TMEM178B: variants seen among roughly 807,000 people sequenced by gnomAD.
TMEM178B encodes transmembrane protein 178B.
A neutral mutation model predicts 31.0 loss-of-function variants in TMEM178B; 5 were observed. That is an observed-to-expected ratio of 0.16 (90% CI 0.08 to 0.34). The LOEUF (loss-of-function observed/expected upper bound fraction) is 0.34, where lower values mean the gene tolerates loss of function less well. Among genes scored for constraint, TMEM178B ranks in the 10% least tolerant of loss-of-function variants. The probability of loss-of-function intolerance (pLI) is 1.00; values close to 1 mark genes in which losing one functional copy is unlikely to be tolerated. For missense variants in TMEM178B, 275 were observed against 400.3 expected (o/e 0.69, Z 2.67); for synonymous variants, 164 against 164.0 (o/e 1.00, Z 0.00).
chr7:141,377,365 G>A (rs1800235292), intron 2 of TMEM178B, among the ~76,000 whole-genome samples: 1 of 151,752 alleles, frequency 6.6e-6, no homozygotes. Flanking sequence ...TGTATTTTTA[G>A]CAGGGACGGG....
intron 2 of TMEM178B, among the ~76,000 whole-genome samples, chr7:141,427,710 T>A (rs1801346113): frequency 1.3e-5 from 2 of 151,782 alleles, no homozygotes; most frequent in South Asian, 4.2e-4. Context: ...ACGAATGGGA[T>A]CAAACTAAAA....
At chr7:141,374,922 C>T (rs1300113516) in intron 2 of TMEM178B, among the ~76,000 whole-genome samples, 4 of 152,182 alleles carry the variant, frequency 2.6e-5, no homozygotes, top group Admixed American at 2.6e-4. Flanking sequence ...CACACGACAC[C>T]TTCTGCATCC....
At chr7:141,234,905 T>C (rs1797502372) in intron 2 of TMEM178B, among the ~76,000 whole-genome samples, 1 of 152,210 alleles carries the variant, frequency 6.6e-6, no homozygotes, top group African/African-American at 2.4e-5. Context: ...ACGCACGACA[T>C]GATTGCTGGC....
intron 2 of TMEM178B, among the ~76,000 whole-genome samples, chr7:141,357,974 C>G (rs200037770): frequency 6.6e-6 from 1 of 152,144 alleles, no homozygotes; most frequent in East Asian, 1.9e-4. Context: ...GGAATTCTGT[C>G]TTTGTACAGC....
chr7:141,104,022 A>G (rs1040654502), intron 1 of TMEM178B, among the ~76,000 whole-genome samples: 1 of 152,106 alleles, frequency 6.6e-6, no homozygotes, highest in South Asian at 2.1e-4. Context: ...TTCTGTTCTC[A>G]CCTACCCCCT....
intron 1 of TMEM178B, among the ~76,000 whole-genome samples, chr7:141,197,222 G>C (rs555172480): frequency 1.3e-5 from 2 of 152,270 alleles, no homozygotes; most frequent in East Asian, 1.9e-4. Flanking sequence ...TATCCCTAAG[G>C]GGGTAGATAC....
intron 1 of TMEM178B, among the ~76,000 whole-genome samples, chr7:141,192,279 G>A (rs1246943370): frequency 6.6e-6 from 1 of 152,120 alleles, no homozygotes; most frequent in Non-Finnish European, 1.5e-5. Context: ...AGGTCTGCAG[G>A]GAGTGACCAA....
intron 2 of TMEM178B, among the ~76,000 whole-genome samples, chr7:141,394,139 G>C (rs1035379776): frequency 6.6e-6 from 1 of 152,064 alleles, no homozygotes; most frequent in South Asian, 2.1e-4. Context: ...ACAGAGTTTG[G>C]TAAGGGGTTT....
At chr7:141,130,331 G>A (rs1586786180) in intron 1 of TMEM178B, among the ~76,000 whole-genome samples, 1 of 152,230 alleles carries the variant, frequency 6.6e-6, no homozygotes, top group East Asian at 1.9e-4. Context: ...AAGAATTTAC[G>A]GTTTGTAGGG....
chr7:141,482,327 C>T (rs1802492175), downstream of TMEM178B, among the ~76,000 whole-genome samples: 1 of 152,128 alleles, frequency 6.6e-6, no homozygotes. Flanking sequence ...CCCACCTGGG[C>T]GAAGAGCTCT....
intron 1 of TMEM178B, among the ~76,000 whole-genome samples, chr7:141,184,424 A>T (rs1328383738): frequency 6.6e-6 from 1 of 151,508 alleles, no homozygotes; most frequent in African/African-American, 2.4e-5. Flanking sequence ...AATGCTCTTG[A>T]CTCTAGGCTA....
Position 141,422,087 on chromosome 7 carries a change from C to T in TMEM178B, c.497-15521C>T, listed in dbSNP as rs1043428666. 4.6e-5 allele frequency among the ~76,000 whole-genome samples: 7 copies of T among 152,212 alleles called. No homozygotes were observed. The highest frequency in any genetic ancestry group is 1.4e-4 in the African/African-American group (6 of 41,454). On this transcript the variant is annotated intron_variant, in intron 2 of 3. Coordinates refer to ENST00000565468, the MANE Select transcript of TMEM178B (RefSeq NM_001195278.2). This position sits in a 1 kb window ranked among gnomAD's most constrained non-coding sequence, Gnocchi z 4.2. ...GACATTTTCTTAGAAACCTGCAATA[C>T]GGAAAGAGATCTGTTCAGCTTCTTT...
chr7:141,506,551 T>C, the TMEM178B span, among the ~76,000 whole-genome samples: 1 of 152,178 alleles, frequency 6.6e-6, no homozygotes, highest in East Asian at 1.9e-4. Context: ...CCGGCCGCCA[T>C]GATTTAATTA....
the TMEM178B span, among the ~76,000 whole-genome samples, chr7:141,510,709 A>AAAG: frequency 1.3e-3 from 177 of 135,042 alleles, 4 homozygotes; most frequent in East Asian, 0.021. Flanking sequence ...AAAAAAAAAA[A>AAAG]AAAGAAAAAA....
chr7:141,341,983 TGTCACTCA>T (rs1017055621), intron 2 of TMEM178B, among the ~76,000 whole-genome samples: 8 of 152,238 alleles, frequency 5.3e-5, no homozygotes, highest in Non-Finnish European at 1.5e-5. Flanking sequence ...AATCTCATTC[TGTCACTCA>T]GGCCGGAGTG....
At chr7:141,232,779 A>G (rs1207241298) in intron 2 of TMEM178B, among the ~76,000 whole-genome samples, 1 of 151,966 alleles carries the variant, frequency 6.6e-6, no homozygotes, top group Non-Finnish European at 1.5e-5. Context: ...CAGCCACCCT[A>G]CTTTTACCAG....
chr7:141,226,311 G>C (rs1352291928), intron 2 of TMEM178B, among the ~76,000 whole-genome samples: 3 of 152,122 alleles, frequency 2.0e-5, no homozygotes, highest in African/African-American at 7.2e-5. Flanking sequence ...GCCCCAAGTA[G>C]GTAGCTCCAG....
intron 2 of TMEM178B, among the ~76,000 whole-genome samples, chr7:141,363,991 A>G (rs1049345919): frequency 6.6e-6 from 1 of 151,964 alleles, no homozygotes; most frequent in Non-Finnish European, 1.5e-5. Context: ...AATTGAAAAA[A>G]AAATAAAGGT....
chr7:141,412,650 G>A (rs1801012282), intron 2 of TMEM178B, among the ~76,000 whole-genome samples: 1 of 152,218 alleles, frequency 6.6e-6, no homozygotes, highest in African/African-American at 2.4e-5. Context: ...ATGAGGGAAG[G>A]AAAAGAAAAT....
Sources: gnomAD v4.1 joint callset for allele counts (sites outside exome capture counted in the v4.1 genomes callset) on GRCh38, gnomAD v4.1.1 for gene constraint, Gnocchi (gnomAD v3.1) non-coding constraint, MANE v1.5 for transcripts, NCBI Gene and HGNC (gene_info 2026-07-23, HGNC 2026-07-21) for gene names.